The following COL26A1 variants were observed in gnomAD, a reference collection of about 807,000 sequenced individuals.
COL26A1 encodes collagen type XXVI alpha 1 chain.
In COL26A1, 41 loss-of-function variants were observed where a neutral mutation model predicts 59.3. The ratio of observed to expected loss-of-function variants is 0.69; its 90% CI spans 0.54 to 0.90. COL26A1 has a LOEUF of 0.90. COL26A1 is among the 40% of genes least tolerant of loss of function. COL26A1 has a pLI of 0.00. For synonymous variants in COL26A1, 266 were observed against 256.0 expected (o/e 1.04, Z -0.37); for missense variants, 612 against 602.3 (o/e 1.02, Z -0.17).
In COL26A1 at chr7:101,528,571, A is replaced by G. The variant is rs1795298436; in HGVS notation, c.386-4511A>G. On this transcript the variant is annotated intron_variant, in intron 3 of 12. Coordinates refer to ENST00000313669, the MANE Select transcript of COL26A1 (RefSeq NM_001278563.3). ...TCTCCCTTCCCCTCCCCTCTCTGAC[A>G]GGGTCTGGCTCTGTTGCCCAAACTG... is the stretch of plus-strand genomic sequence containing the variant. Among the ~76,000 whole-genome samples, 4 of 143,514 alleles carry G rather than the reference A, an allele frequency of 2.8e-5. No homozygotes were observed. The South Asian group carries it at 8.6e-4, about 31-fold the overall frequency. The allele number at this position is 143,514 out of a possible 152,430, so 94.2% of individuals were successfully genotyped here.
chr7:101,455,107 A>G (rs1261427904), intron 3 of COL26A1, among the ~76,000 whole-genome samples: 1 of 144,020 alleles, frequency 6.9e-6, no homozygotes, highest in East Asian at 2.1e-4. Flanking sequence ...CAGTGGTGCC[A>G]TCTCCACTCA....
chr7:101,428,569 AC>A (rs1200705567), intron 2 of COL26A1, among the ~76,000 whole-genome samples: 2 of 152,130 alleles, frequency 1.3e-5, no homozygotes, highest in African/African-American at 4.8e-5. Flanking sequence ...TCAAGGTTGG[AC>A]AGGCAGTCGC....
At chr7:101,409,868 C>T (rs1300224663) in intron 1 of COL26A1, among the ~76,000 whole-genome samples, 2 of 152,122 alleles carry the variant, frequency 1.3e-5, no homozygotes, top group African/African-American at 4.8e-5. Context: ...TCATGCCATT[C>T]TCCTGTTTCA....
chr7:101,547,077 GGCTCAGT>G lies in COL26A1; in HGVS notation c.857-76_857-70del, dbSNP rs893006864. 613 of 1,022,336 alleles carry G rather than the reference GGCTCAGT, an allele frequency of 6.0e-4. 4 individuals are homozygous for G. The highest frequency in any genetic ancestry group is 2.1e-4 in the Non-Finnish European group (147 of 693,480). 63.3% of individuals were successfully genotyped at this position (1,022,336 alleles called of 1,614,324 possible). ...CTGGGCTTCGTGTGGCCTGGCTCAG[GGCTCAGT>G]GCCCCGGACCAGCCTCCCAGCACTG... On this transcript the variant is annotated intron_variant, in intron 7 of 12. Transcript: ENST00000313669.
chr7:101,384,049 C>T (rs1791509374), intron 1 of COL26A1, among the ~76,000 whole-genome samples: 1 of 151,988 alleles, frequency 6.6e-6, no homozygotes, highest in Non-Finnish European at 1.5e-5. Context: ...GGTCTCACTC[C>T]ATTGACAAGC....
At chr7:101,439,290 G>C (rs1288862426) in intron 2 of COL26A1, among the ~76,000 whole-genome samples, 1 of 152,040 alleles carries the variant, frequency 6.6e-6, no homozygotes, top group African/African-American at 2.4e-5. Flanking sequence ...GGAGACCTTA[G>C]AAAGGCTTCC....
intron 3 of COL26A1, among the ~76,000 whole-genome samples, chr7:101,456,293 C>A (rs755943987): frequency 6.6e-6 from 1 of 151,346 alleles, no homozygotes; most frequent in Non-Finnish European, 1.5e-5. Flanking sequence ...CTCACTGCAA[C>A]CTTGACCTCC....
Position 101,502,162 on chromosome 7 carries a change from C to T in COL26A1, c.386-30920C>T, listed in dbSNP as rs1039128973. On this transcript the variant is annotated intron_variant, in intron 3 of 12. Transcript: ENST00000313669. Reference sequence around the variant, plus strand: ...TTGAAGACCAGCCTGGCCAACAGGACGAAACCTTGTCTCTACTAAAATTAC... The same window carrying T: ...TTGAAGACCAGCCTGGCCAACAGGATGAAACCTTGTCTCTACTAAAATTAC... Among the ~76,000 whole-genome samples the T allele has an allele frequency of 7.2e-4, 109 of 152,282 alleles. 1 individual carries two copies. The highest frequency in any genetic ancestry group is 2.6e-3 in the African/African-American group (108 of 41,564).
intron 3 of COL26A1, among the ~76,000 whole-genome samples, chr7:101,471,289 G>A (rs896659350): frequency 6.6e-6 from 1 of 152,090 alleles, no homozygotes; most frequent in African/African-American, 2.4e-5. Context: ...ATTTGAATAG[G>A]GTGGCTGATG....
At chr7:101,540,734 C>T (rs1166165536) in intron 5 of COL26A1, among the ~76,000 whole-genome samples, 2 of 151,946 alleles carry the variant, frequency 1.3e-5, no homozygotes, top group Non-Finnish European at 2.9e-5. Context: ...CCCAGCTACT[C>T]CTAAGGCTGA....
chr7:101,488,349 A>AATTTATATATATATATATATAT (rs1491342922), intron 3 of COL26A1, among the ~76,000 whole-genome samples: 11 of 104,966 alleles, frequency 1.0e-4, no homozygotes, highest in African/African-American at 4.2e-4. Context: ...AATTTTATTT[A>AATTTATATATATATATATATAT]ATATATATAT....
intron 1 of COL26A1, among the ~76,000 whole-genome samples, chr7:101,380,352 G>A (rs1791418615): frequency 6.8e-6 from 1 of 146,636 alleles, no homozygotes; most frequent in South Asian, 2.2e-4. Context: ...CTGGAGTGCA[G>A]TGGCGCTATC....
At chr7:101,386,670 G>A (rs13437962) in intron 1 of COL26A1, among the ~76,000 whole-genome samples, 1 of 152,070 alleles carries the variant, frequency 6.6e-6, no homozygotes, top group South Asian at 2.1e-4. Context: ...TGGACCCACT[G>A]GGACAGCGCT....
chr7:101,458,515 G>A (rs1164570121), intron 3 of COL26A1, among the ~76,000 whole-genome samples: 4 of 152,170 alleles, frequency 2.6e-5, no homozygotes, highest in African/African-American at 9.6e-5. Flanking sequence ...GTGCATGCCT[G>A]TAATCCCAGC....
intron 2 of COL26A1, among the ~76,000 whole-genome samples, chr7:101,428,095 C>G (rs1792689818): frequency 6.6e-6 from 1 of 152,032 alleles, no homozygotes; most frequent in Non-Finnish European, 1.5e-5. Flanking sequence ...AGGTTGTTCC[C>G]CAGGCTTTTT....
chr7:101,484,840 T>TTAA (rs1554420206), intron 3 of COL26A1, among the ~76,000 whole-genome samples: 9 of 147,226 alleles, frequency 6.1e-5, no homozygotes, highest in Admixed American at 1.4e-4. Flanking sequence ...TTTTTGTATT[T>TTAA]TTAATTAATT....
intron 1 of COL26A1, among the ~76,000 whole-genome samples, chr7:101,390,995 C>T (rs1055948156): frequency 9.2e-5 from 14 of 152,218 alleles, no homozygotes; most frequent in African/African-American, 3.1e-4. Context: ...GGCCTGTGCC[C>T]TTTGCCTCTG....
At chr7:101,550,707 A>G (rs1264591887) in intron 9 of COL26A1, among the ~76,000 whole-genome samples, 2 of 151,874 alleles carry the variant, frequency 1.3e-5, no homozygotes, top group Non-Finnish European at 2.9e-5. Context: ...CTGGGTGGCG[A>G]TGTCAGGGGA....
At chr7:101,527,940 C>T (rs1035139310) in intron 3 of COL26A1, among the ~76,000 whole-genome samples, 1 of 152,150 alleles carries the variant, frequency 6.6e-6, no homozygotes, top group Non-Finnish European at 1.5e-5. Context: ...ATCACCATTT[C>T]CATGTTTCCA....
Sources: allele counts gnomAD v4.1 joint callset (sites outside exome capture counted in the v4.1 genomes callset), GRCh38; gene constraint gnomAD v4.1.1; transcripts MANE v1.5; gene names NCBI Gene and HGNC (gene_info 2026-07-23, HGNC 2026-07-21).